Variants in SLC24A5 observed in about 807,000 individuals in gnomAD.
SLC24A5 encodes solute carrier family 24 member 5, also known as sodium/potassium/calcium exchanger 5.
Under a neutral mutation model 51.6 loss-of-function variants are expected in SLC24A5, and 46 were observed. That is an observed-to-expected ratio of 0.89 (90% confidence interval 0.70 to 1.14). The LOEUF (loss-of-function observed/expected upper bound fraction) is 1.14, where lower values mean the gene tolerates loss of function less well. Ranked by LOEUF, SLC24A5 falls within the 50% of genes most tolerant of loss-of-function variation. The pLI is 0.00. For synonymous variants in SLC24A5, 230 were observed against 214.9 expected, an observed-to-expected ratio of 1.07 and a Z score of -0.62; for missense variants, 581 against 604.1, an observed-to-expected ratio of 0.96 and a Z score of 0.40.
chr15:48,135,413 C>A (rs1429576746), intron 5 of SLC24A5: 1 of 153,450 alleles, frequency 6.5e-6, no homozygotes, highest in Admixed American at 6.5e-5. Flanking sequence ...TTAAATTCCT[C>A]CAAACTTCTG....
rs556168142 is a variant in SLC24A5 at position 48,134,927 on chromosome 15, C to T, written c.533C>T (p.Ala178Val). The T allele has an allele frequency of 2.0e-5, 33 of 1,612,276 alleles. No individual in the cohort carries two copies. Among genetic ancestry groups the T allele is most frequent in the Middle Eastern group, 1.6e-4 (1 of 6,074 alleles). The change falls in exon 5 of 9, where the codon GCG becomes GTG. Residue 178 changes from alanine to valine, a missense_variant. By Grantham distance (64) the Ala-to-Val change is moderately conservative (BLOSUM62 0). Coordinates refer to ENST00000341459, the MANE Select transcript of SLC24A5 (RefSeq NM_205850.3). ...SCWPLFRDCA[A>V]YTISAAAVLG... ...TGGCCCCTATTCAGAGACTGTGCAG[C>T]GTACACAATTAGTGCAGCAGCAGTT...
At position 48,121,004 on chromosome 15, in the gene SLC24A5, C is replaced by A; in HGVS notation, c.-41C>A. ...TGATCCAGTTTAATCCTCCTCTTCT[C>A]CCTTCCTGAAGCTGCACGCTGCAGT... is the stretch of plus-strand genomic sequence containing the variant. On this transcript the variant is annotated 5_prime_UTR_variant, in exon 1 of 9. Coordinates refer to ENST00000341459, the MANE Select transcript of SLC24A5 (RefSeq NM_205850.3). 1 of 1,600,526 alleles carries A rather than the reference C, an allele frequency of 6.2e-7. No homozygotes were observed. The highest frequency in any genetic ancestry group is 1.1e-5 in the South Asian group (1 of 88,586).
At chr15:48,121,643 A>G (rs190931684) in intron 1 of SLC24A5, among the ~76,000 whole-genome samples, 81 of 152,338 alleles carry the variant, frequency 5.3e-4, no homozygotes, top group African/African-American at 1.7e-3. Context: ...CATCATCAAC[A>G]TATTTCATTA....
intron 2 of SLC24A5, chr15:48,123,395 T>C (rs2038699577): frequency 6.6e-6 from 1 of 152,144 alleles, no homozygotes; most frequent in South Asian, 2.1e-4. Flanking sequence ...ATATTTCCTT[T>C]AAATCTTTTG....
At chr15:48,137,029 A>G (rs2038918827) in intron 6 of SLC24A5, 66 bp downstream of exon 6, 1 of 1,487,948 alleles carries the variant, frequency 6.7e-7, no homozygotes, top group Non-Finnish European at 9.0e-7. Context: ...ATTTCATTTC[A>G]ATTCAGCAAG....
rs2038729198 is a variant in SLC24A5, at chr15:48,126,186, T to C, written c.301+4150T>C. On this transcript the variant is annotated intron_variant, in intron 2 of 8. Coordinates refer to ENST00000341459, the MANE Select transcript of SLC24A5 (RefSeq NM_205850.3). ...TTCCTTCTCCTTGCTCTGCTCATGA[T>C]CATAAAAGTCACACACCCTCTCCTC... 2.0e-5 allele frequency among the ~76,000 whole-genome samples: 3 copies of C among 152,094 alleles called. No individual in the cohort carries two copies. The South Asian group carries it at 6.2e-4, about 32-fold the overall frequency.
chr15:48,126,210 T>C (rs1019050295), intron 2 of SLC24A5, among the ~76,000 whole-genome samples: 6 of 152,130 alleles, frequency 3.9e-5, no homozygotes, highest in Admixed American at 3.9e-4. Context: ...CACCCTCTCC[T>C]CTACCCTCGA....
chr15:48,135,717 A>G (rs1275756598), intron 5 of SLC24A5: 2 of 152,200 alleles, frequency 1.3e-5, no homozygotes, highest in Non-Finnish European at 2.9e-5. Context: ...TATGAAAAAA[A>G]AAAAATGTAA....
At chr15:48,122,147 G>C (rs1176815020) in intron 2 of SLC24A5, 111 bp downstream of exon 2, 17 of 1,138,834 alleles carry the variant, frequency 1.5e-5, no homozygotes, top group Non-Finnish European at 2.2e-5. Context: ...TGGTTGCAGA[G>C]CACCAGCTTC....
Position 48,139,121 on chromosome 15 carries a change from G to T in SLC24A5, c.1024G>T (p.Ala342Ser), listed in dbSNP as rs566886499. 6.2e-7 allele frequency: 1 copy of T among 1,613,016 alleles called. No individual in the cohort carries two copies. The highest frequency in any genetic ancestry group is 2.2e-5 in the East Asian group (1 of 44,752). ...CTTTGTGATAACCTTTTTCATGTCT[G>T]CAATATGGATATCCGCATTTACATA... is the stretch of plus-strand genomic sequence containing the variant. ...NYFVITFFMS[A>S]IWISAFTYIL... The change falls in exon 7 of 9, where the codon GCA becomes TCA. Residue 342 changes from alanine to serine, a missense_variant. Coordinates refer to ENST00000341459, the MANE Select transcript of SLC24A5 (RefSeq NM_205850.3).
intron 4 of SLC24A5, 25 bp downstream of exon 4, chr15:48,134,563 A>C: frequency 6.4e-7 from 1 of 1,565,016 alleles, no homozygotes; most frequent in Non-Finnish European, 8.8e-7. Context: ...CATTCAACAA[A>C]ATGTATTGTC....
chr15:48,135,180 ACTTCACAGTCTCCTTTTTTCTCTC>A, intron 5 of SLC24A5, 196 bp downstream of exon 5: 2 of 455,602 alleles, frequency 4.4e-6, no homozygotes, highest in Non-Finnish European at 7.9e-6. Flanking sequence ...CTTCTTAATC[ACTTCACAGTCTCCTTTTTTCTCTC>A]ACTAGTCACT....
At chr15:48,139,329 C>T in intron 7 of SLC24A5, 154 bp downstream of exon 7, 1 of 584,340 alleles carries the variant, frequency 1.7e-6, no homozygotes, top group South Asian at 2.5e-5. Flanking sequence ...ATTACTATAA[C>T]AAGATCACTG....
rs1251338364 is a variant in SLC24A5, at chr15:48,139,007, A to G, written c.910A>G (p.Lys304Glu). 4 of 1,612,900 alleles carry G rather than the reference A, an allele frequency of 2.5e-6. No homozygotes were observed. Among genetic ancestry groups the G allele is most frequent in the Non-Finnish European group, 3.4e-6 (4 of 1,179,282 alleles). The change falls in exon 7 of 9, where the codon AAA (lysine) becomes GAA (glutamate). Residue 304 changes from lysine to glutamate, a missense_variant. Lys to Glu is a moderately conservative substitution (Grantham distance 56, BLOSUM62 1). Transcript: ENST00000341459. ...SVFNMPEADLKRIFWVLSLPI... is the reference protein window; with the variant it reads ...SVFNMPEADLERIFWVLSLPI... ...TTTCAACATGCCTGAAGCAGACTTA[A>G]AAAGAATTTTTTGGGTATTATCCCT...
intron 4 of SLC24A5, 87 bp downstream of exon 4, chr15:48,134,625 C>T (rs544116965): frequency 1.0e-6 from 1 of 977,986 alleles, no homozygotes; most frequent in Non-Finnish European, 1.6e-6. Flanking sequence ...CAACAGGGCA[C>T]TAATAATATG....
chr15:48,124,208 G>T (rs1465279872), intron 2 of SLC24A5: 1 of 151,878 alleles, frequency 6.6e-6, no homozygotes, highest in Non-Finnish European at 1.5e-5. Context: ...TTATCCATAG[G>T]TCACAACAAT....
intron 6 of SLC24A5, chr15:48,138,551 G>A (rs2038959983): frequency 6.3e-6 from 1 of 157,974 alleles, no homozygotes; most frequent in South Asian, 1.9e-4. Flanking sequence ...ACATTATCTG[G>A]TACATAGGGC....
chr15:48,141,875 TAA>T (rs762446535), intron 8 of SLC24A5, 152 bp from the exon 9 acceptor site: 16 of 499,272 alleles, frequency 3.2e-5, no homozygotes, highest in Non-Finnish European at 5.1e-5. Context: ...AAGAAAAATT[TAA>T]AAATACAAAT....
At chr15:48,121,720 C>A in intron 1 of SLC24A5, 137 bp from the exon 2 acceptor site, 2 of 859,774 alleles carry the variant, frequency 2.3e-6, no homozygotes, top group Non-Finnish European at 3.7e-6. Flanking sequence ...TATTCAGAAG[C>A]GCTTTATACA....
Sources: allele counts gnomAD v4.1 joint callset (sites outside exome capture counted in the v4.1 genomes callset), GRCh38; gene constraint gnomAD v4.1.1; transcripts MANE v1.5; gene names NCBI Gene and HGNC (gene_info 2026-07-23, HGNC 2026-07-21).